The following FTCDNL1 variants were observed in gnomAD, a reference collection of about 807,000 sequenced individuals.
FTCDNL1 encodes the protein formiminotransferase N-terminal subdomain-containing protein.
A neutral mutation model predicts 5.9 loss-of-function variants in FTCDNL1; 11 were observed. The ratio of observed to expected loss-of-function variants is 1.87; its 90% CI spans 1.18 to 3.10. The LOEUF is 3.10. Among genes scored for constraint, FTCDNL1 ranks in the 30% most tolerant of loss-of-function variants. FTCDNL1 has a pLI of 0.00. For missense variants in FTCDNL1, 115 were observed against 65.5 expected (o/e 1.76, Z -2.61); for synonymous variants, 58 against 24.8 (o/e 2.34, Z -3.99).
intron 3 of FTCDNL1, among the ~76,000 whole-genome samples, chr2:199,792,332 A>G (rs1699973591): frequency 6.6e-6 from 1 of 152,140 alleles, no homozygotes; most frequent in Non-Finnish European, 1.5e-5. Flanking sequence ...TCTCACTTCT[A>G]TCCAACCAAA....
At chr2:199,749,870 T>C in the FTCDNL1 span, among the ~76,000 whole-genome samples, 1 of 152,036 alleles carries the variant, frequency 6.6e-6, no homozygotes, top group Non-Finnish European at 1.5e-5. Flanking sequence ...TTTTCCAGTG[T>C]AGATCCATAA....
At chr2:199,685,551 G>A in the FTCDNL1 span, among the ~76,000 whole-genome samples, 1 of 152,096 alleles carries the variant, frequency 6.6e-6, no homozygotes, top group Non-Finnish European at 1.5e-5. Context: ...ACTGATCACG[G>A]TTAGAGTCTT....
the FTCDNL1 span, among the ~76,000 whole-genome samples, chr2:199,752,500 G>A: frequency 3.4e-4 from 52 of 152,130 alleles, no homozygotes; most frequent in Non-Finnish European, 6.5e-4. Context: ...TAATGTAGGT[G>A]AGCCTCAGCC....
At chr2:199,790,275 A>T (rs1281644888) in intron 3 of FTCDNL1, among the ~76,000 whole-genome samples, 1 of 152,130 alleles carries the variant, frequency 6.6e-6, no homozygotes, top group Non-Finnish European at 1.5e-5. Context: ...AGGTGGGCAG[A>T]TCACCTGAGG....
chr2:199,813,788 G>A (rs918255912), intron 4 of FTCDNL1, among the ~76,000 whole-genome samples: 1 of 151,870 alleles, frequency 6.6e-6, no homozygotes, highest in Non-Finnish European at 1.5e-5. Flanking sequence ...GCGCGTGCCT[G>A]TAGTCCCAGC....
chr2:199,849,034 A>T (rs1481253445), intron 1 of FTCDNL1, 65 bp from the exon 2 acceptor site: 2 of 659,040 alleles, frequency 3.0e-6, no homozygotes, highest in African/African-American at 1.8e-5. Flanking sequence ...TTTTAACTAT[A>T]AAAAAATCAT....
At chr2:199,681,270 A>G in the FTCDNL1 span, among the ~76,000 whole-genome samples, 5 of 152,058 alleles carry the variant, frequency 3.3e-5, no homozygotes, top group Admixed American at 6.5e-5. Context: ...CCTGGCCAAC[A>G]TTGTGAAACC....
At chr2:199,765,554 A>T (rs61347785) in intron 3 of FTCDNL1, among the ~76,000 whole-genome samples, 17,286 of 60,190 alleles carry the variant, frequency 0.29, 2,429 homozygotes, top group East Asian at 0.45. Flanking sequence ...ATATATATAT[A>T]TATTTTTTTT....
the FTCDNL1 span, among the ~76,000 whole-genome samples, chr2:199,710,030 C>A: frequency 1.3e-5 from 2 of 152,108 alleles, no homozygotes; most frequent in African/African-American, 4.8e-5. Context: ...AATTAAACCT[C>A]ATGAAACTTT....
chr2:199,694,615 C>T, the FTCDNL1 span, among the ~76,000 whole-genome samples: 2 of 152,090 alleles, frequency 1.3e-5, no homozygotes, highest in African/African-American at 4.8e-5. Context: ...TGCATGAGTC[C>T]AGGAGTCTGA....
chr2:199,718,258 G>A, the FTCDNL1 span, among the ~76,000 whole-genome samples: 10 of 151,998 alleles, frequency 6.6e-5, no homozygotes, highest in East Asian at 1.2e-3. Context: ...CCACTATTCC[G>A]CTCTGAATGT....
intron 3 of FTCDNL1, among the ~76,000 whole-genome samples, chr2:199,768,938 G>A (rs1456351070): frequency 6.6e-6 from 1 of 152,128 alleles, no homozygotes. Flanking sequence ...GGCCAGGAAT[G>A]TTAGGGGGTG....
At chr2:199,703,870 T>C in the FTCDNL1 span, among the ~76,000 whole-genome samples, 61 of 152,092 alleles carry the variant, frequency 4.0e-4, no homozygotes, top group Admixed American at 2.0e-4. Context: ...TAAAAACATA[T>C]AAAAATGAGC....
chr2:199,819,490 T>C (rs1442257541), intron 4 of FTCDNL1, 82 bp downstream of exon 4: 1 of 670,426 alleles, frequency 1.5e-6, no homozygotes, highest in Non-Finnish European at 2.7e-6. Context: ...TCTTCCTGCA[T>C]TAACAGGGTG....
intron 4 of FTCDNL1, among the ~76,000 whole-genome samples, chr2:199,813,628 C>T (rs1049699212): frequency 6.6e-6 from 1 of 152,102 alleles, no homozygotes; most frequent in Admixed American, 6.6e-5. Flanking sequence ...TACTTTGTTA[C>T]CAGGCTGGGT....
At chr2:199,780,582 T>C (rs1223775670) in intron 3 of FTCDNL1, among the ~76,000 whole-genome samples, 3 of 152,216 alleles carry the variant, frequency 2.0e-5, no homozygotes, top group Admixed American at 2.0e-4. Context: ...AACCAGCCCA[T>C]CTCTTCCTCT....
the FTCDNL1 span, among the ~76,000 whole-genome samples, chr2:199,683,369 G>A: frequency 4.6e-5 from 7 of 152,044 alleles, no homozygotes; most frequent in African/African-American, 1.7e-4. Flanking sequence ...GCTTACACAT[G>A]CTACAAAGTG....
At position 199,812,285 on chromosome 2, in the gene FTCDNL1, A is replaced by G. The variant is rs1054993113; in HGVS notation, c.*420T>C. On this transcript the variant is annotated 3_prime_UTR_variant, in exon 5 of 5. Transcript: ENST00000420128. ...AAGAAGAAAGAAAGAAAAAGAAGAG[A>G]AAATTTCTCTTTCTGCCCAAATTCA... Among the ~76,000 whole-genome samples the G allele has an allele frequency of 3.3e-5, 5 of 152,194 alleles. No individual in the cohort carries two copies. Among genetic ancestry groups the G allele is most frequent in the Non-Finnish European group, 7.4e-5 (5 of 68,026 alleles).
At chr2:199,818,664 G>A (rs1352082032) in intron 4 of FTCDNL1, 1 of 151,836 alleles carries the variant, frequency 6.6e-6, no homozygotes, top group Non-Finnish European at 1.5e-5. Context: ...AGAATTCTGT[G>A]CCAGGGGCTA....
Sources: allele counts gnomAD v4.1 joint callset (sites outside exome capture counted in the v4.1 genomes callset), GRCh38; gene constraint gnomAD v4.1.1; transcripts MANE v1.5; gene names NCBI Gene and HGNC (gene_info 2026-07-23, HGNC 2026-07-21).